Variants in MGAT4C observed in about 807,000 individuals in gnomAD.
The protein encoded by MGAT4C is alpha-1,3-mannosyl-glycoprotein 4-beta-N-acetylglucosaminyltransferase C.
MGAT4C carries 19 observed loss-of-function variants against 40.1 expected under a neutral mutation model. The ratio of observed to expected loss-of-function variants is 0.47; its 90% CI spans 0.33 to 0.70. MGAT4C has a LOEUF of 0.70. Among genes scored for constraint, MGAT4C ranks in the 30% least tolerant of loss-of-function variants. The pLI is 0.02. For synonymous variants in MGAT4C, 181 were observed against 187.1 expected, an observed-to-expected ratio of 0.97 and a Z score of 0.27; for missense variants, 491 against 563.2, an observed-to-expected ratio of 0.87 and a Z score of 1.30.
chr12:86,240,346 C>A (rs1183899070), intron 1 of MGAT4C, among the ~76,000 whole-genome samples: 3 of 151,868 alleles, frequency 2.0e-5, no homozygotes, highest in African/African-American at 7.3e-5. Context: ...ATCTATCTTT[C>A]TATATAATTT....
intron 3 of MGAT4C, among the ~76,000 whole-genome samples, chr12:86,399,407 G>C (rs1385034772): frequency 6.6e-6 from 1 of 151,312 alleles, no homozygotes. Flanking sequence ...TCAGCCTCCC[G>C]AGTAGCTGGG....
chr12:86,721,963 A>G (rs537038763), intron 2 of MGAT4C, among the ~76,000 whole-genome samples: 20 of 152,294 alleles, frequency 1.3e-4, no homozygotes, highest in African/African-American at 4.6e-4. Flanking sequence ...CAATGATAGA[A>G]CTGTGGATAA....
intron 2 of MGAT4C, among the ~76,000 whole-genome samples, chr12:86,469,668 C>T (rs1957730921): frequency 6.6e-6 from 1 of 152,042 alleles, no homozygotes; most frequent in South Asian, 2.1e-4. Context: ...TTTGCACCAA[C>T]CTAATTTTTT....
intron 1 of MGAT4C, among the ~76,000 whole-genome samples, chr12:86,132,183 T>C: frequency 6.6e-6 from 1 of 152,192 alleles, no homozygotes; most frequent in Admixed American, 6.5e-5. Flanking sequence ...ATTCAATGAG[T>C]ACTCAATAAA....
At chr12:86,276,325 T>C (rs1193451815) in intron 4 of MGAT4C, among the ~76,000 whole-genome samples, 1 of 152,158 alleles carries the variant, frequency 6.6e-6, no homozygotes, top group Admixed American at 6.5e-5. Flanking sequence ...ACGAGGTACA[T>C]GAGATATTTT....
intron 1 of MGAT4C, among the ~76,000 whole-genome samples, chr12:86,748,636 G>A (rs916878641): frequency 6.6e-6 from 1 of 151,506 alleles, no homozygotes; most frequent in African/African-American, 2.4e-5. Flanking sequence ...GAAATACAGA[G>A]TGTGTAATAT....
intron 1 of MGAT4C, among the ~76,000 whole-genome samples, chr12:86,226,118 GA>G (rs200150643): frequency 0.11 from 15,812 of 145,244 alleles, 1,009 homozygotes; most frequent in East Asian, 0.24. Flanking sequence ...ATATCAACAT[GA>G]AAAAAAAAAA....
intron 2 of MGAT4C, among the ~76,000 whole-genome samples, chr12:86,530,959 A>G (rs1011765410): frequency 6.6e-6 from 1 of 152,106 alleles, no homozygotes; most frequent in African/African-American, 2.4e-5. Context: ...ATACATGAGA[A>G]TCTGTAAATT....
chr12:86,348,829 T>C (rs2405928), intron 3 of MGAT4C, among the ~76,000 whole-genome samples: 99,335 of 151,918 alleles, frequency 0.65, 33,246 homozygotes, highest in South Asian at 0.77. Flanking sequence ...TTTTTGGTAC[T>C]TGGAAACTTT....
rs576272581 is a variant in MGAT4C at position 86,203,684 on chromosome 12, G to A, written c.-57+52555C>T. On this transcript the variant is annotated intron_variant, in intron 1 of 4. Transcript: ENST00000611864. ...TTTCAAGAAATATACATAGCCGGGC[G>A]TGGTGGCTCACGCTTGTAATCCCAG... Among the ~76,000 whole-genome samples the A allele has an allele frequency of 2.7e-3, 404 of 152,160 alleles. 9 individuals carry two copies. In the South Asian group the frequency reaches 0.059, roughly 22 times the overall value.
intron 2 of MGAT4C, among the ~76,000 whole-genome samples, chr12:86,721,134 A>G (rs1950729462): frequency 1.3e-5 from 2 of 152,302 alleles, no homozygotes; most frequent in East Asian, 3.9e-4. Flanking sequence ...GGGGAAACAG[A>G]GAAGGTGGCA....
intron 2 of MGAT4C, among the ~76,000 whole-genome samples, chr12:86,455,453 A>C (rs538226524): frequency 6.6e-6 from 1 of 152,258 alleles, no homozygotes; most frequent in African/African-American, 2.4e-5. Flanking sequence ...TTTATGTTAT[A>C]GAAAAGTGGT....
At chr12:86,477,006 T>C (rs1957846985) in intron 2 of MGAT4C, among the ~76,000 whole-genome samples, 1 of 151,896 alleles carries the variant, frequency 6.6e-6, no homozygotes, top group African/African-American at 2.4e-5. Context: ...GATGGAACCA[T>C]CCATATCACA....
chr12:86,139,054 T>C (rs1331713306), intron 1 of MGAT4C, among the ~76,000 whole-genome samples: 1 of 152,194 alleles, frequency 6.6e-6, no homozygotes, highest in Non-Finnish European at 1.5e-5. Context: ...TCCCTCCATC[T>C]TGTTTGCCTC....
chr12:85,981,218 GT>G (rs2136687368), intron 4 of MGAT4C, among the ~76,000 whole-genome samples: 1 of 152,178 alleles, frequency 6.6e-6, no homozygotes, highest in Non-Finnish European at 1.5e-5. Context: ...AATTAGATAT[GT>G]TTAGAGAATA....
At chr12:86,441,031 T>A (rs2897239) in intron 2 of MGAT4C, among the ~76,000 whole-genome samples, 1 of 152,150 alleles carries the variant, frequency 6.6e-6, no homozygotes, top group Non-Finnish European at 1.5e-5. Context: ...ATGAAAATGA[T>A]CATACTGCCC....
At chr12:86,599,606 A>G (rs1961687469) in intron 2 of MGAT4C, 1 of 152,192 alleles carries the variant, frequency 6.6e-6, no homozygotes, top group African/African-American at 2.4e-5. Context: ...AGTCTAAAGT[A>G]TCACATATCT....
chr12:86,151,057 C>G (rs1285905410), intron 1 of MGAT4C, among the ~76,000 whole-genome samples: 2 of 152,222 alleles, frequency 1.3e-5, no homozygotes, highest in African/African-American at 4.8e-5. Flanking sequence ...CCATAAATCA[C>G]ATTCTTAGCA....
chr12:86,450,410 C>T (rs1049129020), intron 2 of MGAT4C, among the ~76,000 whole-genome samples: 4 of 152,040 alleles, frequency 2.6e-5, no homozygotes, highest in African/African-American at 4.8e-5. Context: ...TTAACACATT[C>T]CCTGACAATT....
Sources: gnomAD v4.1 joint callset for allele counts (sites outside exome capture counted in the v4.1 genomes callset) on GRCh38, gnomAD v4.1.1 for gene constraint, MANE v1.5 for transcripts, NCBI Gene and HGNC (gene_info 2026-07-23, HGNC 2026-07-21) for gene names.